Variants in ERC2 observed in about 807,000 individuals in gnomAD.
ERC2 encodes ELKS/RAB6-interacting/CAST family member 2.
A neutral mutation model predicts 114.8 loss-of-function variants in ERC2; 42 were observed. The observed-to-expected ratio is 0.37, with a 90% CI of 0.29 to 0.47. ERC2 has a LOEUF of 0.47. ERC2 is among the 20% of genes least tolerant of loss of function. The pLI is 0.99. For synonymous variants in ERC2, 454 were observed against 425.5 expected, an observed-to-expected ratio of 1.07 and a Z score of -0.82; for missense variants, 939 against 1,150.7, an observed-to-expected ratio of 0.82 and a Z score of 2.66.
At chr3:55,533,568 G>A (rs895033740) in intron 17 of ERC2, among the ~76,000 whole-genome samples, 14 of 152,242 alleles carry the variant, frequency 9.2e-5, no homozygotes, top group Non-Finnish European at 1.9e-4. Flanking sequence ...AAGCCAAAGA[G>A]TAGAAGACTG....
intron 7 of ERC2, among the ~76,000 whole-genome samples, chr3:56,022,372 A>C (rs1247397792): frequency 2.0e-5 from 3 of 152,220 alleles, no homozygotes; most frequent in Non-Finnish European, 4.4e-5. Flanking sequence ...AAACAGAATA[A>C]AAAGATATTT....
chr3:56,454,983 A>G (rs921619002), intron 1 of ERC2, among the ~76,000 whole-genome samples: 23 of 152,134 alleles, frequency 1.5e-4, no homozygotes, highest in African/African-American at 5.6e-4. Context: ...TATCATTTAT[A>G]TGAGGTACCT....
intron 3 of ERC2, among the ~76,000 whole-genome samples, chr3:56,283,675 C>T (rs943526078): frequency 6.6e-6 from 1 of 152,124 alleles, no homozygotes; most frequent in African/African-American, 2.4e-5. Context: ...TTCTAGCACA[C>T]TAAAAAGTGC....
chr3:55,555,873 C>T lies in ERC2; in HGVS notation c.*40-44597G>A, dbSNP rs143160925. ...CGCTGCTCGCTCAGAAAACGGGTCA[C>T]CGAGGAAAGATTTCAGCAGGAAAGA... On this transcript the variant is annotated intron_variant, in intron 17 of 17. Transcript: ENST00000288221. Among the ~76,000 whole-genome samples, 389 of 152,268 alleles carry T rather than the reference C, an allele frequency of 2.6e-3. 2 individuals are homozygous for T. The highest frequency in any genetic ancestry group is 9.1e-3 in the African/African-American group (377 of 41,536).
At chr3:55,817,790 G>A (rs988338122) in intron 14 of ERC2, among the ~76,000 whole-genome samples, 10 of 152,288 alleles carry the variant, frequency 6.6e-5, no homozygotes, top group Admixed American at 4.6e-4. Flanking sequence ...AATAACGCAC[G>A]TAAAGAGCTC....
chr3:56,042,025 C>T (rs1248384887), intron 7 of ERC2, among the ~76,000 whole-genome samples: 4 of 152,126 alleles, frequency 2.6e-5, no homozygotes, highest in African/African-American at 9.7e-5. Context: ...AGCAAATTAG[C>T]GGCAAAGTGA....
intron 17 of ERC2, among the ~76,000 whole-genome samples, chr3:55,545,470 T>C (rs1301123577): frequency 6.6e-6 from 1 of 152,266 alleles, no homozygotes; most frequent in East Asian, 1.9e-4. Context: ...TGGGAATGCA[T>C]GGGATCAGGT....
rs1473781130 is a variant in ERC2, at chr3:56,032,973, GAAAGAGAAAGAA to G, written c.1642-13954_1642-13943del. Among the ~76,000 whole-genome samples, 152 of 64,982 alleles carry G rather than the reference GAAAGAGAAAGAA, an allele frequency of 2.3e-3. 3 individuals carry two copies. The highest frequency in any genetic ancestry group is 2.7e-3 in the Non-Finnish European group (82 of 30,726). 42.6% of individuals were successfully genotyped at this position (64,982 alleles called of 152,430 possible). A position where few individuals can be genotyped will look rare whatever the true frequency, so the allele number is the denominator to read the frequency against. On this transcript the variant is annotated intron_variant, in intron 7 of 17. Coordinates refer to ENST00000288221, the MANE Select transcript of ERC2 (RefSeq NM_015576.3). ...AAAGAAAGAAACAGAAAGAAAGAAA[GAAAGAGAAAGAA>G]AGAAAGAAAGAAAGAAAGAAAGAAA...
At chr3:55,531,331 G>A (rs1224252669) in intron 17 of ERC2, among the ~76,000 whole-genome samples, 1 of 152,152 alleles carries the variant, frequency 6.6e-6, no homozygotes, top group African/African-American at 2.4e-5. Flanking sequence ...AGGAGCCCTT[G>A]CCAAAGCAAG....
intron 17 of ERC2, among the ~76,000 whole-genome samples, chr3:55,528,393 A>G (rs2053463979): frequency 6.6e-6 from 1 of 152,228 alleles, no homozygotes; most frequent in Non-Finnish European, 1.5e-5. Flanking sequence ...GCAAAGGATG[A>G]AAACAAGTGA....
intron 12 of ERC2, chr3:55,955,060 A>G (rs2067844954): frequency 2.2e-6 from 1 of 445,968 alleles, no homozygotes; most frequent in East Asian, 6.9e-5. Context: ...AATATAAATA[A>G]TACATATAGT....
chr3:56,348,893 AAGGAAGGAAGGAAAGAAGGAAG>A (rs1560642192), intron 2 of ERC2, among the ~76,000 whole-genome samples: 308 of 44,852 alleles, frequency 6.9e-3, no homozygotes, highest in Middle Eastern at 0.021. Context: ...GGAAGGAAGG[AAGGAAGGAAGGAAAGAAGGAAG>A]GAAGGAAGGA....
rs76581748 is a variant in ERC2, at chr3:55,954,889, T to G, written c.2268-4329A>C. The stretch of plus-strand genomic sequence containing the variant: ...AATATATAAACATTTCCATTACAAC[T>G]GTAAAAGTAAAAATTTGAAAATTGC... On this transcript the variant is annotated intron_variant, in intron 12 of 17. Coordinates refer to ENST00000288221, the MANE Select transcript of ERC2 (RefSeq NM_015576.3). 5.4e-4 allele frequency among the ~76,000 whole-genome samples: 82 copies of G among 151,898 alleles called. No homozygotes were observed. The East Asian group carries it at 0.013, about 24-fold the overall frequency.
intron 4 of ERC2, among the ~76,000 whole-genome samples, chr3:56,172,172 T>C (rs2082714756): frequency 6.6e-6 from 1 of 152,078 alleles, no homozygotes; most frequent in African/African-American, 2.4e-5. Context: ...TTAAATTATA[T>C]AAGTTTAAAA....
At chr3:56,388,573 C>G (rs1291337666) in intron 2 of ERC2, among the ~76,000 whole-genome samples, 13 of 152,148 alleles carry the variant, frequency 8.5e-5, no homozygotes, top group Non-Finnish European at 1.5e-4. Flanking sequence ...AAATGGCATC[C>G]AAGAGAGTCC....
chr3:55,972,223 TG>T (rs1559955326), intron 12 of ERC2, among the ~76,000 whole-genome samples: 1 of 152,214 alleles, frequency 6.6e-6, no homozygotes, highest in Non-Finnish European at 1.5e-5. Flanking sequence ...GGGAGAAACA[TG>T]GAGCTGGGAA....
chr3:55,569,270 G>T (rs539081090), intron 17 of ERC2, among the ~76,000 whole-genome samples: 30 of 152,098 alleles, frequency 2.0e-4, no homozygotes, highest in South Asian at 2.1e-4. Context: ...CGCATTTGGC[G>T]GCAAGAAAGG....
chr3:55,831,980 C>T (rs1433673977), intron 14 of ERC2, among the ~76,000 whole-genome samples: 2 of 152,214 alleles, frequency 1.3e-5, no homozygotes, highest in African/African-American at 4.8e-5. Context: ...GAGGGTCCTA[C>T]GTCCACGGAG....
rs2065735600 is a variant in ERC2, at chr3:55,926,186, G to C, written c.2403+24239C>G. ...GATTATGGGAAAATGACATGGAATTGTTGAAGATTTGAAGCACTACCAGTC... is the reference window on the plus strand; with the variant it reads ...GATTATGGGAAAATGACATGGAATTCTTGAAGATTTGAAGCACTACCAGTC... On this transcript the variant is annotated intron_variant, in intron 13 of 17. Transcript: ENST00000288221. Among the ~76,000 whole-genome samples the C allele has an allele frequency of 2.0e-5, 3 of 152,220 alleles. No homozygotes were observed. The South Asian group carries it at 6.2e-4, about 32-fold the overall frequency.
Sources: allele counts gnomAD v4.1 joint callset (sites outside exome capture counted in the v4.1 genomes callset), GRCh38; gene constraint gnomAD v4.1.1; transcripts MANE v1.5; gene names NCBI Gene and HGNC (gene_info 2026-07-23, HGNC 2026-07-21).